Variants in ARHGEF10 observed in about 807,000 individuals in gnomAD.
ARHGEF10 encodes the protein Rho guanine nucleotide exchange factor (GEF) 10.
A neutral mutation model predicts 147.4 loss-of-function variants in ARHGEF10; 140 were observed. The observed-to-expected ratio is 0.95, with a 90% CI of 0.83 to 1.09. The LOEUF (loss-of-function observed/expected upper bound fraction) is 1.09, where lower values mean the gene tolerates loss of function less well. Among genes scored for constraint, ARHGEF10 ranks in the 50% least tolerant of loss-of-function variants. The pLI, the probability that ARHGEF10 is intolerant of heterozygous loss-of-function variation, is 0.00. For missense variants in ARHGEF10, 2,222 were observed against 1,752.7 expected (o/e 1.27, Z -4.78); for synonymous variants, 902 against 695.8 (o/e 1.30, Z -4.67).
chr8:1,884,952 A>G (rs1205546648), intron 10 of ARHGEF10, among the ~76,000 whole-genome samples: 1 of 152,146 alleles, frequency 6.6e-6, no homozygotes, highest in Non-Finnish European at 1.5e-5. Flanking sequence ...TTTTGTAGAG[A>G]TGGAGTCTTG....
intron 6 of ARHGEF10, 88 bp from the exon 7 acceptor site, chr8:1,869,106 C>T: frequency 5.9e-6 from 7 of 1,187,020 alleles, no homozygotes; most frequent in Non-Finnish European, 2.5e-6. Context: ...ATAATCATGA[C>T]ATCATCGGCG....
rs1563215864 is a variant in ARHGEF10, at chr8:1,876,697, T to A, written c.806T>A (p.Ile269Asn). 6.2e-7 allele frequency: 1 copy of A among 1,614,170 alleles called. No individual in the cohort carries two copies. Among genetic ancestry groups the A allele is most frequent in the East Asian group, 2.2e-5 (1 of 44,876 alleles). ...EQSDSECKNG[I>N]PRSFLRSNHK... ...AGTGACTCGGAGTGCAAGAATGGGA[T>A]TCCCAGGTCCTTCCTGCGCAGCAAC... Residue 269 changes from isoleucine to asparagine, a missense_variant, in exon 8 of 29, where the codon ATT becomes AAT. Transcript: ENST00000349830.
chr8:1,856,395 C>G (rs1329170112), intron 2 of ARHGEF10, among the ~76,000 whole-genome samples: 2 of 152,228 alleles, frequency 1.3e-5, no homozygotes, highest in Non-Finnish European at 2.9e-5. Flanking sequence ...CCAGTTCACG[C>G]TGTCGTGGGC....
chr8:1,835,488 G>A (rs1313680401), intron 1 of ARHGEF10, among the ~76,000 whole-genome samples: 2 of 152,184 alleles, frequency 1.3e-5, no homozygotes, highest in Non-Finnish European at 2.9e-5. Flanking sequence ...CCCAGGTAGA[G>A]GCCCTGGGTC....
chr8:1,896,874 G>A (rs1023221416), intron 14 of ARHGEF10, among the ~76,000 whole-genome samples: 31 of 152,334 alleles, frequency 2.0e-4, no homozygotes, highest in Admixed American at 1.8e-3. Flanking sequence ...CGCAGGCTGT[G>A]TTCCTCCCAA....
intron 18 of ARHGEF10, among the ~76,000 whole-genome samples, 190 bp downstream of exon 18, chr8:1,909,660 C>G (rs557755196): frequency 6.6e-6 from 1 of 152,362 alleles, no homozygotes; most frequent in Admixed American, 6.5e-5. Context: ...CTGCTCATCA[C>G]TGACTTGTCC....
rs529158282 is a variant in ARHGEF10 at position 1,938,663 on chromosome 8, C to T, written c.3222+4721C>T. Among the ~76,000 whole-genome samples the T allele has an allele frequency of 6.6e-5, 10 of 152,204 alleles. No individual in the cohort carries two copies. The East Asian group carries it at 7.7e-4, about 12-fold the overall frequency. ...GCAACAAAACAGGCCTAAGCGGGCA[C>T]GGTGGCTCACACTTGTAATCCCAGC... On this transcript the variant is annotated intron_variant, in intron 26 of 28. Transcript: ENST00000349830.
At chr8:1,955,217 T>C (rs59968916) in intron 28 of ARHGEF10, among the ~76,000 whole-genome samples, 5,656 of 90,418 alleles carry the variant, frequency 0.063, 253 homozygotes, top group African/African-American at 0.12. Context: ...GCCAGGTGCT[T>C]CCTGAAAGGA....
rs1815169450 is a variant in ARHGEF10, at chr8:1,952,846, C to G, written c.3520+19C>G. On this transcript the variant is annotated intron_variant, in intron 28 of 28. Coordinates refer to ENST00000349830, the MANE Select transcript of ARHGEF10 (RefSeq NM_014629.4). ...GTGACCGGTGAGTGGCACCTGCAGT[C>G]TGAGTGGCTGCATCCTGTCTTGCAG... 4 of 1,613,670 alleles carry G rather than the reference C, an allele frequency of 2.5e-6. No homozygotes were observed. The highest frequency in any genetic ancestry group is 4.5e-5 in the East Asian group (2 of 44,892).
intron 2 of ARHGEF10, among the ~76,000 whole-genome samples, chr8:1,850,244 G>A (rs576347954): frequency 3.5e-5 from 4 of 114,248 alleles, no homozygotes; most frequent in East Asian, 2.9e-4. Context: ...TGGGGCAGTC[G>A]CGTGGACACA....
At chr8:1,888,335 T>TGAGGAGACACTGAGTGGGGCGAGGGTTGC (rs1808961523) in intron 11 of ARHGEF10, among the ~76,000 whole-genome samples, 1 of 55,760 alleles carries the variant, frequency 1.8e-5, no homozygotes, top group Non-Finnish European at 3.6e-5. Flanking sequence ...ATGTTGACTG[T>TGAGGAGACACTGAGTGGGGCGAGGGTTGC]GAGGAGACAC....
intron 2 of ARHGEF10, among the ~76,000 whole-genome samples, chr8:1,843,662 T>G (rs1467085902): frequency 1.3e-5 from 2 of 152,228 alleles, no homozygotes; most frequent in African/African-American, 2.4e-5. Context: ...GGTGCTGCTG[T>G]ATTGCTCTTG....
At chr8:1,823,688 C>T (rs1445651283), upstream of ARHGEF10, among the ~76,000 whole-genome samples, 2 of 150,666 alleles carry the variant, frequency 1.3e-5, no homozygotes, top group Non-Finnish European at 3.0e-5. Flanking sequence ...GTCCGCGGGG[C>T]AGGAGATGAT....
rs1563286630 is a variant in ARHGEF10, at chr8:1,920,111, TGTGGGTGATGGAG to T, written c.2144-2852_2144-2840del. The stretch of plus-strand genomic sequence containing the variant: ...TGTTCTGTGGGTGATGGAGCTGTTC[TGTGGGTGATGGAG>T]CTGTTCTGTGTGCCCTGGAGTTCTC... On this transcript the variant is annotated intron_variant, in intron 18 of 28. Coordinates refer to ENST00000349830, the MANE Select transcript of ARHGEF10 (RefSeq NM_014629.4). Among the ~76,000 whole-genome samples the T allele has an allele frequency of 4.6e-5, 7 of 151,856 alleles. No individual in the cohort carries two copies. In the Middle Eastern group the frequency reaches 0.01, roughly 223 times the overall value.
chr8:1,871,034 A>C (rs1307728547), intron 7 of ARHGEF10: 1 of 150,126 alleles, frequency 6.7e-6, no homozygotes, highest in Admixed American at 6.7e-5. Flanking sequence ...AATCACTTGA[A>C]CCCAGGAAGC....
intron 17 of ARHGEF10, among the ~76,000 whole-genome samples, chr8:1,907,217 T>C (rs1810967779): frequency 6.6e-6 from 1 of 152,210 alleles, no homozygotes; most frequent in African/African-American, 2.4e-5. Context: ...GTGTGGAGAC[T>C]AAAGGTGTTT....
intron 2 of ARHGEF10, among the ~76,000 whole-genome samples, chr8:1,846,427 C>A (rs941119569): frequency 8.5e-5 from 13 of 152,194 alleles, no homozygotes; most frequent in African/African-American, 3.1e-4. Flanking sequence ...CTTAAAAGTG[C>A]CCCTGAAGAT....
rs777169585 is a variant in ARHGEF10 at position 1,876,752 on chromosome 8, A to T, written c.843+18A>T. ...AAAAGCAAGTACGTGTTCCCTGCAC[A>T]TGTGAGGGATGGTTCTCTCGCGTTA... On this transcript the variant is annotated intron_variant, in intron 8 of 28. Transcript: ENST00000349830. 8 of 1,613,846 alleles carry T rather than the reference A, an allele frequency of 5.0e-6. No homozygotes were observed. Among genetic ancestry groups the T allele is most frequent in the Non-Finnish European group, 1.7e-6 (2 of 1,179,858 alleles).
rs1370528566 is a variant in ARHGEF10 at position 1,833,119 on chromosome 8, G to GAGAC, written c.-48+9009_-48+9010insCAGA. ...GCAGAGAGACAGAGACAGAGGCAGA[G>GAGAC]AGAGACAGAGGCAGAGGCAGAGACA... On this transcript the variant is annotated intron_variant, in intron 1 of 28. Transcript: ENST00000349830. Among the ~76,000 whole-genome samples the GAGAC allele has an allele frequency of 5.5e-5, 7 of 127,212 alleles. No homozygotes were observed. The East Asian group carries it at 1.7e-3, about 31-fold the overall frequency. The allele number at this position is 127,212 out of a possible 152,430, so 83.5% of individuals were successfully genotyped here. A position where few individuals can be genotyped will look rare whatever the true frequency, so the allele number is the denominator to read the frequency against.
Sources: allele counts gnomAD v4.1 joint callset (sites outside exome capture counted in the v4.1 genomes callset), GRCh38; gene constraint gnomAD v4.1.1; transcripts MANE v1.5; gene names NCBI Gene and HGNC (gene_info 2026-07-23, HGNC 2026-07-21).